Variants in CSNK2A2IP observed in about 807,000 individuals in gnomAD.
CSNK2A2IP encodes the protein casein kinase II subunit alpha'-interacting protein.
At chr3:88,358,814 T>C in the CSNK2A2IP span, among the ~76,000 whole-genome samples, 4 of 152,206 alleles carry the variant, frequency 2.6e-5, no homozygotes, top group South Asian at 8.3e-4. Context: ...TGTGTCTGTC[T>C]GATTTTGGTG....
chr3:88,423,840 C>A, the CSNK2A2IP span, among the ~76,000 whole-genome samples: 1 of 152,084 alleles, frequency 6.6e-6, no homozygotes, highest in Admixed American at 6.6e-5. Flanking sequence ...TTTAACCTGA[C>A]CAGCATCTTG....
chr3:88,438,098 A>T, the CSNK2A2IP span, among the ~76,000 whole-genome samples: 2 of 149,806 alleles, frequency 1.3e-5, no homozygotes, highest in Admixed American at 1.3e-4. Context: ...ATTTGCAACA[A>T]CTTTCTAAAA....
At chr3:88,447,988 TAGA>T in the CSNK2A2IP span, among the ~76,000 whole-genome samples, 1 of 152,212 alleles carries the variant, frequency 6.6e-6, no homozygotes, top group African/African-American at 2.4e-5. Flanking sequence ...TTCAAAAACA[TAGA>T]AGAACTATAT....
the CSNK2A2IP span, among the ~76,000 whole-genome samples, chr3:88,388,834 A>G: frequency 2.9e-4 from 44 of 152,242 alleles, 1 homozygote; most frequent in South Asian, 8.3e-3. Context: ...CATGGAAGTT[A>G]TAGCTACTGT....
At chr3:88,444,052 A>T in the CSNK2A2IP span, among the ~76,000 whole-genome samples, 1 of 152,118 alleles carries the variant, frequency 6.6e-6, no homozygotes, top group Non-Finnish European at 1.5e-5. Context: ...TTTTAAAAGA[A>T]AATATTGCAT....
the CSNK2A2IP span, among the ~76,000 whole-genome samples, chr3:88,416,812 A>G: frequency 1.3e-5 from 2 of 152,194 alleles, no homozygotes; most frequent in African/African-American, 4.8e-5. Flanking sequence ...ATCATTTGAA[A>G]TAAAAGCACC....
At chr3:88,402,995 C>T in the CSNK2A2IP span, among the ~76,000 whole-genome samples, 20 of 152,042 alleles carry the variant, frequency 1.3e-4, no homozygotes, top group East Asian at 3.7e-3. Context: ...ATTAAAGGGC[C>T]ATCTTTAATT....
chr3:88,414,543 A>C, the CSNK2A2IP span, among the ~76,000 whole-genome samples: 29 of 151,996 alleles, frequency 1.9e-4, no homozygotes, highest in Admixed American at 5.9e-4. Context: ...TGCCTCCCAA[A>C]GTGCTAGGGT....
At chr3:88,422,605 C>T in the CSNK2A2IP span, among the ~76,000 whole-genome samples, 5 of 152,258 alleles carry the variant, frequency 3.3e-5, no homozygotes, top group Middle Eastern at 3.4e-3. Flanking sequence ...AGAGGAGGCA[C>T]ATGTAACTAA....
chr3:88,466,500 G>C, the CSNK2A2IP span: 6 of 1,231,812 alleles, frequency 4.9e-6, no homozygotes, highest in Non-Finnish European at 3.0e-6. Flanking sequence ...ACTGCACCAG[G>C]AACACAGCTG....
At chr3:88,405,422 A>AT in the CSNK2A2IP span, among the ~76,000 whole-genome samples, 1 of 152,136 alleles carries the variant, frequency 6.6e-6, no homozygotes, top group Non-Finnish European at 1.5e-5. Flanking sequence ...GAAAAAGGTC[A>AT]TTGAGTTCAT....
the CSNK2A2IP span, among the ~76,000 whole-genome samples, chr3:88,370,094 C>T: frequency 1.3e-5 from 2 of 151,658 alleles, no homozygotes; most frequent in Non-Finnish European, 2.9e-5. Flanking sequence ...GGAACCAAAA[C>T]CTAGCAATCC....
At chr3:88,393,957 G>A in the CSNK2A2IP span, among the ~76,000 whole-genome samples, 8 of 152,134 alleles carry the variant, frequency 5.3e-5, no homozygotes, top group South Asian at 2.1e-4. Context: ...TGAAAGCAGC[G>A]CTAGGGGACA....
the CSNK2A2IP span, among the ~76,000 whole-genome samples, chr3:88,424,181 A>G: frequency 1.3e-5 from 2 of 152,218 alleles, no homozygotes; most frequent in Admixed American, 1.3e-4. Context: ...TTGAATAAAC[A>G]TCTGTCTGCT....
chr3:88,389,814 A>G, the CSNK2A2IP span, among the ~76,000 whole-genome samples: 1 of 142,434 alleles, frequency 7.0e-6, no homozygotes, highest in East Asian at 2.0e-4. Context: ...TAAAGAGACT[A>G]AAAACCCTGT....
chr3:88,406,393 G>A, the CSNK2A2IP span, among the ~76,000 whole-genome samples: 1 of 152,178 alleles, frequency 6.6e-6, no homozygotes, highest in Non-Finnish European at 1.5e-5. Flanking sequence ...GGGAAGCGCA[G>A]TTGCTTTAAA....
chr3:88,351,270 A>G, the CSNK2A2IP span, among the ~76,000 whole-genome samples: 1 of 152,192 alleles, frequency 6.6e-6, no homozygotes, highest in Admixed American at 6.6e-5. Context: ...AGTATAGACT[A>G]GAGATGGAAA....
the CSNK2A2IP span, among the ~76,000 whole-genome samples, chr3:88,396,518 G>A: frequency 2.0e-5 from 3 of 152,160 alleles, no homozygotes; most frequent in East Asian, 5.8e-4. Context: ...AACAAGCATT[G>A]ACTAGGTTAG....
chr3:88,345,487 T>A, the CSNK2A2IP span, among the ~76,000 whole-genome samples: 1 of 151,990 alleles, frequency 6.6e-6, no homozygotes, highest in Non-Finnish European at 1.5e-5. Context: ...AGTCTATCAG[T>A]GCCATTTTTT....
Sources: gnomAD v4.1 joint callset for allele counts (sites outside exome capture counted in the v4.1 genomes callset) on GRCh38, gnomAD v4.1.1 for gene constraint, MANE v1.5 for transcripts, NCBI Gene and HGNC (gene_info 2026-07-23, HGNC 2026-07-21) for gene names.